Variants in NAV2 observed in about 807,000 individuals in gnomAD.
The protein encoded by NAV2 is helicase, APC down-regulated 1.
In NAV2, 54 loss-of-function variants were observed where a neutral mutation model predicts 223.2. The ratio of observed to expected loss-of-function variants is 0.24; its 90% confidence interval spans 0.19 to 0.30. The LOEUF is 0.30. Among genes scored for constraint, NAV2 ranks in the 10% least tolerant of loss-of-function variants. The pLI is 1.00. For synonymous variants in NAV2, 1,279 were observed against 1,239.3 expected (o/e 1.03, Z -0.67); for missense variants, 2,806 against 3,147.5 (o/e 0.89, Z 2.60).
At chr11:20,115,850 T>A (rs1325853838) in intron 37 of NAV2, among the ~76,000 whole-genome samples, 1 of 151,996 alleles carries the variant, frequency 6.6e-6, no homozygotes, top group Non-Finnish European at 1.5e-5. Flanking sequence ...GAGGCAGAGT[T>A]TGCAGTGAGC....
chr11:19,879,992 A>T lies in NAV2; in HGVS notation c.635A>T (p.Gln212Leu). Reference protein sequence around the residue: ...LSSPLPPAVSQVAGAPSQCQA... With the variant: ...LSSPLPPAVSLVAGAPSQCQA... ...TCACCTCTGCCGCCCGCCGTATCCC[A>T]GGTGGCCGGGGCCCCCTCCCAGTGC... The change falls in exon 5 of 38, where the codon CAG (glutamine) becomes CTG (leucine). Residue 212 changes from glutamine (Q) to leucine (L), a missense_variant. Gln to Leu is a moderately radical substitution (Grantham distance 113). This residue lies in a region of NAV2 where 1,167 missense variants were observed against 1,180.5 expected (regional missense o/e 0.99). Transcript: ENST00000349880. 1.2e-6 allele frequency: 2 copies of T among 1,613,860 alleles called. No individual in the cohort carries two copies. The highest frequency in any genetic ancestry group is 1.7e-6 in the Non-Finnish European group (2 of 1,179,892).
chr11:19,647,393 G>T (rs1173481435), intron 1 of NAV2, among the ~76,000 whole-genome samples: 1 of 152,052 alleles, frequency 6.6e-6, no homozygotes, highest in African/African-American at 2.4e-5. Context: ...CCCAAGCCTG[G>T]AAATTCATAA....
chr11:19,948,682 T>C lies in NAV2; in HGVS notation c.2256-9T>C. The C allele has an allele frequency of 6.4e-7, 1 of 1,558,646 alleles. No individual in the cohort carries two copies. Among genetic ancestry groups the C allele is most frequent in the Non-Finnish European group, 8.7e-7 (1 of 1,148,462 alleles). On this transcript the variant is annotated splice_polypyrimidine_tract_variant and intron_variant, in intron 9 of 37. Coordinates refer to ENST00000349880, the MANE Select transcript of NAV2 (RefSeq NM_145117.5). ...CCTTTGAGTCTAATCAGGTTGGTTT[T>C]GTTTCTAGCACATTGGAAACCACGT...
chr11:19,951,599 G>A (rs1366417497), intron 10 of NAV2, among the ~76,000 whole-genome samples: 2 of 151,088 alleles, frequency 1.3e-5, no homozygotes, highest in African/African-American at 4.9e-5. Context: ...TTTTATTGTC[G>A]AACCAGTCTT....
chr11:19,587,595 G>C (rs150617490), intron 1 of NAV2, among the ~76,000 whole-genome samples: 1 of 152,272 alleles, frequency 6.6e-6, no homozygotes, highest in Non-Finnish European at 1.5e-5. Context: ...AAACTCTTAT[G>C]GTCTGGGTTG....
intron 36 of NAV2, among the ~76,000 whole-genome samples, chr11:20,113,491 G>C (rs936351835): frequency 2.0e-5 from 3 of 152,148 alleles, no homozygotes; most frequent in Non-Finnish European, 4.4e-5. Context: ...GGAGCTTGGA[G>C]GCATGGTGTT....
intron 36 of NAV2, among the ~76,000 whole-genome samples, chr11:20,109,902 C>G (rs888002251): frequency 2.6e-5 from 4 of 152,244 alleles, no homozygotes; most frequent in Non-Finnish European, 5.9e-5. Context: ...TTGCGCTGCA[C>G]TTGAGCAGGC....
At chr11:19,891,641 A>C (rs1330298113) in intron 5 of NAV2, among the ~76,000 whole-genome samples, 1 of 152,232 alleles carries the variant, frequency 6.6e-6, no homozygotes, top group African/African-American at 2.4e-5. Context: ...GAGACAGGTC[A>C]TCAGGTGTTG....
At chr11:19,871,542 G>T (rs1367194567) in intron 4 of NAV2, among the ~76,000 whole-genome samples, 2 of 152,060 alleles carry the variant, frequency 1.3e-5, no homozygotes, top group African/African-American at 2.4e-5. Flanking sequence ...TGCTGACCAG[G>T]ACTTACTCCC....
intron 1 of NAV2, among the ~76,000 whole-genome samples, chr11:19,516,532 T>G (rs1320661655): frequency 6.6e-6 from 1 of 152,250 alleles, no homozygotes; most frequent in Non-Finnish European, 1.5e-5. Flanking sequence ...ACTCATCTCT[T>G]TGTTACAAGC....
chr11:20,031,621 C>A (rs994736299), intron 11 of NAV2, among the ~76,000 whole-genome samples: 2 of 152,230 alleles, frequency 1.3e-5, no homozygotes, highest in Admixed American at 6.5e-5. Flanking sequence ...CAAAGGCACA[C>A]TTCCATCCCT....
intron 1 of NAV2, among the ~76,000 whole-genome samples, chr11:19,501,760 A>G (rs1234535026): frequency 6.6e-6 from 1 of 151,868 alleles, no homozygotes; most frequent in Non-Finnish European, 1.5e-5. Context: ...AGCAGAAATT[A>G]CTTCATGCAA....
At chr11:20,077,456 A>G (rs367937273) in intron 22 of NAV2, 96 bp from the exon 23 acceptor site, 22 of 908,448 alleles carry the variant, frequency 2.4e-5, no homozygotes, top group African/African-American at 2.3e-4. Flanking sequence ...GCCTAGATCA[A>G]TGGACCCACA....
chr11:19,497,519 G>A (rs1257618014), intron 1 of NAV2, among the ~76,000 whole-genome samples: 2 of 152,054 alleles, frequency 1.3e-5, no homozygotes, highest in Non-Finnish European at 2.9e-5. Context: ...GCTATTCCTT[G>A]GCTTTTCATG....
chr11:19,613,002 C>G (rs2135346526), intron 1 of NAV2, among the ~76,000 whole-genome samples: 1 of 152,148 alleles, frequency 6.6e-6, no homozygotes, highest in East Asian at 1.9e-4. Context: ...TCCCGGAAGG[C>G]AAAAGGTGCT....
At chr11:19,859,130 A>C (rs949392189) in intron 3 of NAV2, among the ~76,000 whole-genome samples, 2 of 123,628 alleles carry the variant, frequency 1.6e-5, no homozygotes, top group African/African-American at 6.1e-5. Flanking sequence ...GTCCAAAATC[A>C]TATTCTCTTT....
intron 36 of NAV2, among the ~76,000 whole-genome samples, chr11:20,110,279 C>G (rs894760581): frequency 3.3e-5 from 5 of 152,226 alleles, no homozygotes; most frequent in African/African-American, 1.2e-4. Context: ...AAGTGAGTCA[C>G]TATGCCCCAA....
intron 11 of NAV2, among the ~76,000 whole-genome samples, chr11:20,014,077 G>C (rs1421779203): frequency 6.6e-6 from 1 of 152,232 alleles, no homozygotes; most frequent in Non-Finnish European, 1.5e-5. Flanking sequence ...AGGAAGTGGA[G>C]TGAGATCAGA....
At chr11:19,821,755 G>A (rs1767359861) in intron 1 of NAV2, among the ~76,000 whole-genome samples, 1 of 152,226 alleles carries the variant, frequency 6.6e-6, no homozygotes, top group South Asian at 2.1e-4. Context: ...TGTTAGTCCT[G>A]AGTGACAAGT....
Sources: allele counts gnomAD v4.1 joint callset (sites outside exome capture counted in the v4.1 genomes callset), GRCh38; gene constraint gnomAD v4.1.1; regional missense constraint gnomAD v4.1.1; transcripts MANE v1.5; gene names NCBI Gene and HGNC (gene_info 2026-07-23, HGNC 2026-07-21).